CACFD1: variants seen among roughly 807,000 people sequenced by gnomAD.
CACFD1 encodes the protein calcium channel flower homolog.
Under a neutral mutation model 21.3 loss-of-function variants are expected in CACFD1, and 26 were observed. That is an observed-to-expected ratio of 1.22 (90% CI 0.89 to 1.69). The LOEUF (loss-of-function observed/expected upper bound fraction) is 1.69, where lower values mean the gene tolerates loss of function less well. CACFD1 is among the 40% of genes most tolerant of loss of function. The probability of loss-of-function intolerance (pLI) is 0.00; values close to 1 mark genes in which losing one functional copy is unlikely to be tolerated. For synonymous variants in CACFD1, 121 were observed against 106.6 expected (o/e 1.13, Z -0.83); for missense variants, 265 against 236.2 (o/e 1.12, Z -0.80).
rs782361741 is a variant in CACFD1, at chr9:133,463,456, A to T, written c.122-27A>T. Reference sequence around the variant, plus strand: ...GCGGGCTCCGCCTGCCTCCCTGCTGACTCCTGCCCGTGTCTCTTGTTTCAA... The same window carrying T: ...GCGGGCTCCGCCTGCCTCCCTGCTGTCTCCTGCCCGTGTCTCTTGTTTCAA... On this transcript the variant is annotated intron_variant, in intron 1 of 4. Transcript: ENST00000316948. 7 of 1,613,004 alleles carry T rather than the reference A, an allele frequency of 4.3e-6. No individual in the cohort carries two copies. In the Admixed American group the frequency reaches 1.2e-4, roughly 27 times the overall value.
chr9:133,469,157 C>T lies in CACFD1; in HGVS notation c.*504C>T, dbSNP rs957788574. The stretch of plus-strand genomic sequence containing the variant: ...GGTGCAGCGCCCACTGTCACCCTGC[C>T]TTCTGAAGAAGCCCACAGGGCTCCT... On this transcript the variant is annotated 3_prime_UTR_variant, in exon 5 of 5. Transcript: ENST00000316948. 3.7e-5 allele frequency: 6 copies of T among 160,576 alleles called. No individual in the cohort carries two copies. Among genetic ancestry groups the T allele is most frequent in the African/African-American group, 1.4e-4 (6 of 41,768 alleles). 9.9% of individuals were successfully genotyped at this position (160,576 alleles called of 1,614,324 possible). A position where few individuals can be genotyped will look rare whatever the true frequency, so the allele number is the denominator to read the frequency against.
rs1212079809 is a variant in CACFD1, at chr9:133,470,710, GTTCC to G, written c.*2059_*2062del. On this transcript the variant is annotated 3_prime_UTR_variant, in exon 5 of 5. Coordinates refer to ENST00000316948, the MANE Select transcript of CACFD1 (RefSeq NM_017586.5). The stretch of plus-strand genomic sequence containing the variant: ...GTGTGGCGCCCTTTCCTCCTTGTTT[GTTCC>G]TCTGTGTTCTGTGTGCGTCTTAAGC... 2 of 152,592 alleles carry G rather than the reference GTTCC, an allele frequency of 1.3e-5. No individual in the cohort carries two copies. Among genetic ancestry groups the G allele is most frequent in the Non-Finnish European group, 2.9e-5 (2 of 68,316 alleles). 9.5% of individuals were successfully genotyped at this position (152,592 alleles called of 1,614,324 possible).
chr9:133,460,422 C>A (rs1040556594), intron 1 of CACFD1, among the ~76,000 whole-genome samples: 1 of 97,708 alleles, frequency 1.0e-5, no homozygotes, highest in African/African-American at 2.9e-5. Context: ...GCTGGGCTGG[C>A]GCTTCTGGGA....
rs1588218506 is a variant in CACFD1 at position 133,460,012 on chromosome 9, C to T, written c.-55C>T. The T allele has an allele frequency of 5.4e-6, 8 of 1,473,222 alleles. No individual in the cohort carries two copies. Among genetic ancestry groups the T allele is most frequent in the African/African-American group, 1.5e-5 (1 of 68,262 alleles). The allele number at this position is 1,473,222 out of a possible 1,614,324, so 91.3% of individuals were successfully genotyped here. On this transcript the variant is annotated 5_prime_UTR_variant, in exon 1 of 5. Transcript: ENST00000316948. ...ACAAGGCAGCGCGCCGGCTCGGACGCGGCCGGCTACCGAGCCCTTTGTGAG... is the reference window on the plus strand; with the variant it reads ...ACAAGGCAGCGCGCCGGCTCGGACGTGGCCGGCTACCGAGCCCTTTGTGAG...
At position 133,463,488 on chromosome 9, in the gene CACFD1, G is replaced by T. The variant is rs782678068; in HGVS notation, c.127G>T (p.Ala43Ser). The T allele has an allele frequency of 6.2e-7, 1 of 1,614,064 alleles. No homozygotes were observed. Among genetic ancestry groups the T allele is most frequent in the South Asian group, 1.1e-5 (1 of 91,086 alleles). Residue 43 changes from alanine to serine, a missense_variant, in exon 2 of 5, where the codon GCG (alanine) becomes TCG (serine). Transcript: ENST00000316948. ...CCCGTGTCTCTTGTTTCAAGCTTGCGCGATCTCTGGCCTCTTCAACTGCAT... is the reference window on the plus strand; with the variant it reads ...CCCGTGTCTCTTGTTTCAAGCTTGCTCGATCTCTGGCCTCTTCAACTGCAT... ...LSGVLGAVSCAISGLFNCITI... is the reference protein window; with the variant it reads ...LSGVLGAVSCSISGLFNCITI...
In CACFD1 at chr9:133,470,000, C is replaced by G. The variant is rs965381880; in HGVS notation, c.*1347C>G. 1 of 152,214 alleles carries G rather than the reference C, an allele frequency of 6.6e-6. No homozygotes were observed. The highest frequency in any genetic ancestry group is 2.1e-4 in the South Asian group (1 of 4,838). The allele number at this position is 152,214 out of a possible 1,614,324, so 9.4% of individuals were successfully genotyped here. A position where few individuals can be genotyped will look rare whatever the true frequency, so the allele number is the denominator to read the frequency against. On this transcript the variant is annotated 3_prime_UTR_variant, in exon 5 of 5. Coordinates refer to ENST00000316948, the MANE Select transcript of CACFD1 (RefSeq NM_017586.5). ...AGGAGTGGCAGGCTGGTGGGCTGGG[C>G]GTGGGGTTTTCTGGGCCCTGCCCAG...
At chr9:133,461,976 G>A in intron 1 of CACFD1, 1 of 985,398 alleles carries the variant, frequency 1.0e-6, no homozygotes, top group Non-Finnish European at 1.2e-6. Context: ...GCATCTGGAG[G>A]TGATACCTTG....
Position 133,460,023 on chromosome 9 carries a change from C to T in CACFD1, c.-44C>T, listed in dbSNP as rs781886424. 6.5e-5 allele frequency: 97 copies of T among 1,503,274 alleles called. No individual in the cohort carries two copies. Among genetic ancestry groups the T allele is most frequent in the Non-Finnish European group, 8.1e-5 (91 of 1,126,520 alleles). 93.1% of individuals were successfully genotyped at this position (1,503,274 alleles called of 1,614,324 possible). On this transcript the variant is annotated 5_prime_UTR_variant, in exon 1 of 5. Transcript: ENST00000316948. ...CGCCGGCTCGGACGCGGCCGGCTAC[C>T]GAGCCCTTTGTGAGGGCTGTGAGCT...
At position 133,460,026 on chromosome 9, in the gene CACFD1, G is replaced by C. The variant is rs1216755186; in HGVS notation, c.-41G>C. 8 of 1,508,434 alleles carry C rather than the reference G, an allele frequency of 5.3e-6. No homozygotes were observed. In the Admixed American group the frequency reaches 6.4e-5, roughly 12 times the overall value. The allele number at this position is 1,508,434 out of a possible 1,614,324, so 93.4% of individuals were successfully genotyped here. ...CGGCTCGGACGCGGCCGGCTACCGA[G>C]CCCTTTGTGAGGGCTGTGAGCTGCG... is the stretch of plus-strand genomic sequence containing the variant. On this transcript the variant is annotated 5_prime_UTR_variant, in exon 1 of 5. Transcript: ENST00000316948.
At chr9:133,461,665 G>T (rs1843224344) in intron 1 of CACFD1, among the ~76,000 whole-genome samples, 1 of 152,204 alleles carries the variant, frequency 6.6e-6, no homozygotes, top group Non-Finnish European at 1.5e-5. Context: ...TCAAAGTGAG[G>T]TACCTCTGCC....
chr9:133,461,880 G>C, intron 1 of CACFD1: 1 of 985,414 alleles, frequency 1.0e-6, no homozygotes, highest in South Asian at 4.7e-5. Flanking sequence ...GTTGTGTGCC[G>C]GGCTGGTCCT....
rs587755157 is a variant in CACFD1 at position 133,464,343 on chromosome 9, G to T, written c.194+788G>T. Among the ~76,000 whole-genome samples the T allele has an allele frequency of 3.9e-4, 59 of 152,316 alleles. No homozygotes were observed. In the East Asian group the frequency reaches 8.5e-3, roughly 22 times the overall value. On this transcript the variant is annotated intron_variant, in intron 2 of 4. Transcript: ENST00000316948. ...GTGCTGGCCAGTGGTGGATAGGGAA[G>T]GGGGATGGACAGAGAGGCGCCCAGC...
rs782469343 is a variant in CACFD1 at position 133,465,479 on chromosome 9, C to G, written c.320+32C>G. The G allele has an allele frequency of 6.3e-7, 1 of 1,581,314 alleles. No homozygotes were observed. Among genetic ancestry groups the G allele is most frequent in the Admixed American group, 1.7e-5 (1 of 57,696 alleles). On this transcript the variant is annotated intron_variant, in intron 3 of 4. Transcript: ENST00000316948. The surrounding 1 kb of genome is among the most constrained non-coding windows in gnomAD (Gnocchi z 5.0). Reference sequence around the variant, plus strand: ...GGTTGCTGGGCAGGGTCCCGTGACACAGTTCCCCAAAACCCCACTGACAAA... The same window carrying G: ...GGTTGCTGGGCAGGGTCCCGTGACAGAGTTCCCCAAAACCCCACTGACAAA...
At chr9:133,467,822 TG>T in intron 3 of CACFD1, 98 bp from the exon 4 acceptor site, 1 of 827,674 alleles carries the variant, frequency 1.2e-6, no homozygotes, top group Non-Finnish European at 2.0e-6. Flanking sequence ...TCCTGTGCCC[TG>T]GGTGTCTAGG....
intron 4 of CACFD1, 60 bp from the exon 5 acceptor site, chr9:133,468,503 C>T: frequency 6.5e-7 from 1 of 1,547,400 alleles, no homozygotes; most frequent in Non-Finnish European, 8.7e-7. Flanking sequence ...GGGCAGTGGT[C>T]AGGAGGGCTG....
intron 3 of CACFD1, 139 bp from the exon 4 acceptor site, chr9:133,467,772 ACTTTCTGAAG>A (rs1261348191): frequency 6.5e-6 from 4 of 614,644 alleles, no homozygotes; most frequent in Non-Finnish European, 1.2e-5. Flanking sequence ...CTGATGAAGG[ACTTTCTGAAG>A]CTGTGTCTCA....
At chr9:133,468,399 CAG>C in intron 4 of CACFD1, 162 bp from the exon 5 acceptor site, 1 of 1,535,986 alleles carries the variant, frequency 6.5e-7, no homozygotes, top group Non-Finnish European at 8.7e-7. Context: ...GGGCCATTCT[CAG>C]AGGGGACAAG....
chr9:133,463,973 G>C (rs587611182), intron 2 of CACFD1, among the ~76,000 whole-genome samples: 8 of 152,346 alleles, frequency 5.3e-5, no homozygotes, highest in African/African-American at 1.9e-4. Context: ...TGGGTTGAAT[G>C]GTCTGCTGGG....
intron 1 of CACFD1, among the ~76,000 whole-genome samples, chr9:133,460,770 G>T (rs1167211199): frequency 6.6e-6 from 1 of 152,198 alleles, no homozygotes; most frequent in East Asian, 1.9e-4. Flanking sequence ...CCCTGGGGCC[G>T]CGGGGCAGTG....
Sources: gnomAD v4.1 joint callset for allele counts (sites outside exome capture counted in the v4.1 genomes callset) on GRCh38, gnomAD v4.1.1 for gene constraint, Gnocchi (gnomAD v3.1) non-coding constraint, MANE v1.5 for transcripts, NCBI Gene and HGNC (gene_info 2026-07-23, HGNC 2026-07-21) for gene names.